The following DSCAML1 variants were observed in gnomAD, a reference collection of about 807,000 sequenced individuals.
DSCAML1 encodes cell adhesion molecule DSCAML1.
DSCAML1 carries 38 observed loss-of-function variants against 200.5 expected under a neutral mutation model. The ratio of observed to expected loss-of-function variants is 0.19; its 90% CI spans 0.15 to 0.25. DSCAML1 has a LOEUF of 0.25. DSCAML1 is among the 10% of genes least tolerant of loss of function. The pLI is 1.00. For missense variants in DSCAML1, 2,223 were observed against 2,858.8 expected, an observed-to-expected ratio of 0.78 and a Z score of 5.07; for synonymous variants, 1,215 against 1,165.0, an observed-to-expected ratio of 1.04 and a Z score of -0.87.
At chr11:117,735,424 C>T (rs746691460) in intron 3 of DSCAML1, among the ~76,000 whole-genome samples, 1 of 151,812 alleles carries the variant, frequency 6.6e-6, no homozygotes, top group Non-Finnish European at 1.5e-5. Context: ...AGCATTGGCT[C>T]AAGGTCACAC....
At chr11:117,590,285 C>A (rs777005896) in intron 3 of DSCAML1, among the ~76,000 whole-genome samples, 2 of 151,816 alleles carry the variant, frequency 1.3e-5, no homozygotes, top group African/African-American at 2.4e-5. Flanking sequence ...ACTTCCTGGG[C>A]TCAAACAATC....
rs778412143 is a variant in DSCAML1, at chr11:117,437,855, G to A, written c.4432+40C>T. On this transcript the variant is annotated intron_variant, in intron 25 of 32. Coordinates refer to ENST00000651296, the MANE Select transcript of DSCAML1 (RefSeq NM_020693.4). This position sits in a 1 kb window ranked among gnomAD's most constrained non-coding sequence, Gnocchi z 5.3. The stretch of plus-strand genomic sequence containing the variant: ...GGCCCCTCTAGCCCACCCTCCCTGG[G>A]CCCATCGCTCCTTCCCTGCCCCAGT... 4.5e-6 allele frequency: 7 copies of A among 1,557,918 alleles called. No homozygotes were observed. The South Asian group carries it at 7.2e-5, about 16-fold the overall frequency.
chr11:117,483,361 C>G (rs2048970143), intron 11 of DSCAML1, among the ~76,000 whole-genome samples: 1 of 152,156 alleles, frequency 6.6e-6, no homozygotes, highest in Non-Finnish European at 1.5e-5. Flanking sequence ...AGTGTTTCAT[C>G]AAAGGGTTAG....
chr11:117,700,334 C>T (rs1416847608), intron 3 of DSCAML1, among the ~76,000 whole-genome samples: 1 of 152,138 alleles, frequency 6.6e-6, no homozygotes, highest in East Asian at 1.9e-4. Flanking sequence ...CCACTGCAGC[C>T]CCGGGTCTCC....
At position 117,703,845 on chromosome 11, in the gene DSCAML1, C is replaced by T. The variant is rs1036075491; in HGVS notation, c.511+72946G>A. ...CATTGAGAGGAAAGAAGAATAATGA[C>T]GGTGATGATGATCAGCATCATAACA... is the stretch of plus-strand genomic sequence containing the variant. On this transcript the variant is annotated intron_variant, in intron 3 of 32. Coordinates refer to ENST00000651296, the MANE Select transcript of DSCAML1 (RefSeq NM_020693.4). 3.3e-5 allele frequency among the ~76,000 whole-genome samples: 5 copies of T among 152,276 alleles called. No homozygotes were observed. In the East Asian group the frequency reaches 7.7e-4, roughly 24 times the overall value.
rs36207373 is a variant in DSCAML1 at position 117,617,680 on chromosome 11, G to GCACACACA, written c.512-85166_512-85159dup. 3.9e-3 allele frequency among the ~76,000 whole-genome samples: 554 copies of GCACACACA among 142,994 alleles called. 2 individuals carry two copies. Among genetic ancestry groups the GCACACACA allele is most frequent in the East Asian group, 0.014 (68 of 4,810 alleles). 93.8% of individuals were successfully genotyped at this position (142,994 alleles called of 152,430 possible). On this transcript the variant is annotated intron_variant, in intron 3 of 32. Coordinates refer to ENST00000651296, the MANE Select transcript of DSCAML1 (RefSeq NM_020693.4). ...GCCACAAGACAACACACAGGTACAC[G>GCACACACA]CACACACACACACACACACACACAC...
rs1206224095 is a variant in DSCAML1 at position 117,498,521 on chromosome 11, A to G, written c.2359+5324T>C. Among the ~76,000 whole-genome samples the G allele has an allele frequency of 1.3e-5, 2 of 152,178 alleles. No individual in the cohort carries two copies. The highest frequency in any genetic ancestry group is 2.9e-5 in the Non-Finnish European group (2 of 68,012). On this transcript the variant is annotated intron_variant, in intron 11 of 32. Coordinates refer to ENST00000651296, the MANE Select transcript of DSCAML1 (RefSeq NM_020693.4). This position sits in a 1 kb window ranked among gnomAD's most constrained non-coding sequence, Gnocchi z 4.0. The stretch of plus-strand genomic sequence containing the variant: ...GCCCTGTGGAAGGGGTGGGGGCCCC[A>G]GTCCCCCAGGTCTCAGGGAGGTGCT...
At chr11:117,574,160 T>A (rs926855166) in intron 3 of DSCAML1, among the ~76,000 whole-genome samples, 1 of 152,150 alleles carries the variant, frequency 6.6e-6, no homozygotes, top group Non-Finnish European at 1.5e-5. Context: ...TCTCACTTTC[T>A]CCCCTGGGGG....
intron 1 of DSCAML1, among the ~76,000 whole-genome samples, chr11:117,784,998 C>T (rs1370038555): frequency 6.6e-6 from 1 of 152,232 alleles, no homozygotes; most frequent in Non-Finnish European, 1.5e-5. Context: ...AAGCCCTCTC[C>T]AAACCCTACT....
intron 11 of DSCAML1, among the ~76,000 whole-genome samples, chr11:117,497,731 C>A (rs1463758847): frequency 6.6e-6 from 1 of 152,240 alleles, no homozygotes; most frequent in East Asian, 1.9e-4. Flanking sequence ...CTTTCTGCCA[C>A]CTGGAGGCTG....
intron 5 of DSCAML1, 57 bp downstream of exon 5, chr11:117,524,748 A>G (rs1232251174): frequency 3.5e-5 from 54 of 1,531,214 alleles, no homozygotes; most frequent in Non-Finnish European, 4.2e-5. Context: ...TCCTCCCCCG[A>G]CCCCTGAGGC....
At chr11:117,637,916 G>T (rs903774459) in intron 3 of DSCAML1, among the ~76,000 whole-genome samples, 10 of 152,156 alleles carry the variant, frequency 6.6e-5, no homozygotes, top group African/African-American at 2.4e-4. Flanking sequence ...TCTGTTTCAG[G>T]TTCCCTCCTT....
In DSCAML1 at chr11:117,505,172, G is replaced by T; in HGVS notation, c.2063-129C>A. ...ATAAAGTTGGAAGCGGGCAGTTTCT[G>T]AAACCCAAGATGCTGAGAACTTTTG... On this transcript the variant is annotated intron_variant, in intron 9 of 32. Coordinates refer to ENST00000651296, the MANE Select transcript of DSCAML1 (RefSeq NM_020693.4). The surrounding 1 kb of genome is among the most constrained non-coding windows in gnomAD (Gnocchi z 6.7). 7.2e-7 allele frequency: 1 copy of T among 1,381,888 alleles called. No homozygotes were observed. The highest frequency in any genetic ancestry group is 9.8e-7 in the Non-Finnish European group (1 of 1,021,998). 85.6% of individuals were successfully genotyped at this position (1,381,888 alleles called of 1,614,324 possible). A position where few individuals can be genotyped will look rare whatever the true frequency, so the allele number is the denominator to read the frequency against.
At chr11:117,698,753 C>T (rs373891285) in intron 3 of DSCAML1, among the ~76,000 whole-genome samples, 5 of 152,150 alleles carry the variant, frequency 3.3e-5, no homozygotes, top group South Asian at 2.1e-4. Flanking sequence ...CCATCCATTT[C>T]GGAATCTGGT....
chr11:117,683,346 T>A (rs1942923), intron 3 of DSCAML1, among the ~76,000 whole-genome samples: 1 of 152,062 alleles, frequency 6.6e-6, no homozygotes, highest in African/African-American at 2.4e-5. Context: ...TAAACTGGAC[T>A]GCACGCCTCT....
At position 117,505,751 on chromosome 11, in the gene DSCAML1, G is replaced by A; in HGVS notation, c.1784-19C>T. 2 of 1,599,526 alleles carry A rather than the reference G, an allele frequency of 1.3e-6. No individual in the cohort carries two copies. Among genetic ancestry groups the A allele is most frequent in the Non-Finnish European group, 1.7e-6 (2 of 1,173,104 alleles). On this transcript the variant is annotated intron_variant, in intron 8 of 32. Coordinates refer to ENST00000651296, the MANE Select transcript of DSCAML1 (RefSeq NM_020693.4). This position sits in a 1 kb window ranked among gnomAD's most constrained non-coding sequence, Gnocchi z 6.7. The stretch of plus-strand genomic sequence containing the variant: ...GGGGGCACTGGGAAGGCAAGCGGGT[G>A]CTGCCGTCAGGACCCTGTGCATTCT...
intron 11 of DSCAML1, among the ~76,000 whole-genome samples, chr11:117,485,320 G>GT (rs1316913786): frequency 4.6e-5 from 7 of 152,144 alleles, no homozygotes; most frequent in African/African-American, 1.7e-4. Flanking sequence ...TCTGTGTGTG[G>GT]TAACAACCAT....
chr11:117,485,954 G>A (rs575074730), intron 11 of DSCAML1, among the ~76,000 whole-genome samples: 1 of 152,272 alleles, frequency 6.6e-6, no homozygotes, highest in African/African-American at 2.4e-5. Context: ...AGCGCTGGCC[G>A]GTCCTAGCTT....
At chr11:117,637,306 G>A (rs879324855) in intron 3 of DSCAML1, among the ~76,000 whole-genome samples, 9 of 151,890 alleles carry the variant, frequency 5.9e-5, no homozygotes, top group Admixed American at 5.9e-4. Flanking sequence ...TGTCCATGGT[G>A]GTATCCCAGT....
Sources: gnomAD v4.1 joint callset for allele counts (sites outside exome capture counted in the v4.1 genomes callset) on GRCh38, gnomAD v4.1.1 for gene constraint, Gnocchi (gnomAD v3.1) non-coding constraint, MANE v1.5 for transcripts, NCBI Gene and HGNC (gene_info 2026-07-23, HGNC 2026-07-21) for gene names.